The following TBC1D5 variants were observed in gnomAD, a reference collection of about 807,000 sequenced individuals.
TBC1D5 encodes the protein TBC1 domain family, member 5.
TBC1D5 carries 75 observed loss-of-function variants against 100.3 expected under a neutral mutation model. The observed-to-expected ratio is 0.75, with a 90% confidence interval of 0.62 to 0.91. The LOEUF is 0.91. TBC1D5 is among the 40% of genes least tolerant of loss of function. The pLI is 0.00. For synonymous variants in TBC1D5, 323 were observed against 325.6 expected, an observed-to-expected ratio of 0.99 and a Z score of 0.09; for missense variants, 910 against 942.4, an observed-to-expected ratio of 0.97 and a Z score of 0.45.
chr3:17,659,267 C>G (rs1191829314), intron 1 of TBC1D5, among the ~76,000 whole-genome samples: 1 of 151,928 alleles, frequency 6.6e-6, no homozygotes, highest in African/African-American at 2.4e-5. Flanking sequence ...GAGCTAAATT[C>G]AAAAAGAAAA....
chr3:17,175,988 G>T (rs570708492), intron 19 of TBC1D5, among the ~76,000 whole-genome samples: 1 of 152,342 alleles, frequency 6.6e-6, no homozygotes, highest in Non-Finnish European at 1.5e-5. Flanking sequence ...AGACGATGAG[G>T]TAGATGGGTT....
chr3:17,587,216 A>C, intron 2 of TBC1D5, among the ~76,000 whole-genome samples: 1 of 152,042 alleles, frequency 6.6e-6, no homozygotes, highest in East Asian at 1.9e-4. Flanking sequence ...TAACAACTAA[A>C]TTTCTCAACT....
chr3:17,473,788 G>C (rs1360514569), intron 3 of TBC1D5, among the ~76,000 whole-genome samples: 1 of 152,116 alleles, frequency 6.6e-6, no homozygotes, highest in African/African-American at 2.4e-5. Flanking sequence ...TAAAATTTTA[G>C]TAATAACATG....
At chr3:17,474,470 A>G (rs1318826825) in intron 3 of TBC1D5, among the ~76,000 whole-genome samples, 1 of 152,146 alleles carries the variant, frequency 6.6e-6, no homozygotes, top group African/African-American at 2.4e-5. Flanking sequence ...ACTAGGTATG[A>G]ACATTAGCAA....
chr3:17,296,053 G>A (rs1559573716), intron 14 of TBC1D5, among the ~76,000 whole-genome samples: 3 of 152,208 alleles, frequency 2.0e-5, no homozygotes, highest in Middle Eastern at 6.8e-3. Context: ...TACATTCTTA[G>A]CAAGTTCATG....
intron 15 of TBC1D5, among the ~76,000 whole-genome samples, chr3:17,284,461 T>G (rs1407205927): frequency 6.6e-6 from 1 of 152,184 alleles, no homozygotes; most frequent in Non-Finnish European, 1.5e-5. Context: ...TCATAATCTG[T>G]ATTTTCTTGC....
intron 3 of TBC1D5, among the ~76,000 whole-genome samples, chr3:17,438,757 T>A (rs2094583537): frequency 6.6e-6 from 1 of 152,158 alleles, no homozygotes; most frequent in Non-Finnish European, 1.5e-5. Context: ...AGATAACAAT[T>A]TAGTTTAACT....
chr3:17,231,007 C>G (rs1445855947), intron 17 of TBC1D5, among the ~76,000 whole-genome samples: 1 of 152,078 alleles, frequency 6.6e-6, no homozygotes, highest in Non-Finnish European at 1.5e-5. Context: ...AGAAAAATGT[C>G]TGTACATGTT....
chr3:17,211,705 T>C (rs1249690835), intron 18 of TBC1D5, among the ~76,000 whole-genome samples: 1 of 152,230 alleles, frequency 6.6e-6, no homozygotes, highest in Non-Finnish European at 1.5e-5. Flanking sequence ...TCATCTGTTT[T>C]CCAAGTAACA....
intron 4 of TBC1D5, among the ~76,000 whole-genome samples, chr3:17,417,882 A>ATTTTTT (rs35742571): frequency 6.6e-6 from 1 of 151,156 alleles, no homozygotes; most frequent in Non-Finnish European, 1.5e-5. Context: ...ATTTAGAAGT[A>ATTTTTT]TTTTTTTTTA....
intron 2 of TBC1D5, among the ~76,000 whole-genome samples, chr3:17,543,634 T>G (rs894890423): frequency 6.6e-6 from 1 of 151,886 alleles, no homozygotes; most frequent in Non-Finnish European, 1.5e-5. Context: ...CAAGACCCCA[T>G]CTCAAAAAAC....
At chr3:17,263,987 C>G (rs753880560) in intron 15 of TBC1D5, among the ~76,000 whole-genome samples, 1 of 152,008 alleles carries the variant, frequency 6.6e-6, no homozygotes, top group Non-Finnish European at 1.5e-5. Flanking sequence ...TTAGGTAAAA[C>G]AAACATTCTG....
intron 13 of TBC1D5, among the ~76,000 whole-genome samples, chr3:17,328,925 A>C (rs2086535161): frequency 6.6e-6 from 1 of 152,214 alleles, no homozygotes; most frequent in African/African-American, 2.4e-5. Flanking sequence ...AACATTATTA[A>C]GCTAAGGGAT....
chr3:17,719,869 T>C (rs2075548665), intron 1 of TBC1D5, among the ~76,000 whole-genome samples: 1 of 152,312 alleles, frequency 6.6e-6, no homozygotes, highest in African/African-American at 2.4e-5. Context: ...TGTTTTATAG[T>C]GTCTTTTCTA....
exon 17 of TBC1D5, chr3:17,238,354 C>T: frequency 6.2e-7 from 1 of 1,613,958 alleles, no homozygotes; most frequent in East Asian, 2.2e-5. Flanking sequence ...AATCAACTTT[C>T]TTCCAAAATT....
rs189514883 is a variant in TBC1D5 at position 17,172,802 on chromosome 3, A to G, written c.1853-4974T>C. ...ACTTGATTTTTTTCAATGCTAGAATACAAGTGTTTTCAATTAAATGTTTTA... is the reference window on the plus strand; with the variant it reads ...ACTTGATTTTTTTCAATGCTAGAATGCAAGTGTTTTCAATTAAATGTTTTA... On this transcript the variant is annotated intron_variant, in intron 19 of 21. Coordinates refer to ENST00000253692, the Ensembl canonical transcript of TBC1D5. 1.3e-3 allele frequency among the ~76,000 whole-genome samples: 191 copies of G among 152,342 alleles called. 4 individuals are homozygous for G. The highest frequency in any genetic ancestry group is 0.012 in the Admixed American group (190 of 15,300).
chr3:17,503,449 A>G (rs774028687), intron 3 of TBC1D5, among the ~76,000 whole-genome samples: 2 of 149,520 alleles, frequency 1.3e-5, no homozygotes, highest in Non-Finnish European at 2.9e-5. Context: ...AAATCTGGCT[A>G]CTAGTCATAA....
intron 1 of TBC1D5, among the ~76,000 whole-genome samples, chr3:17,644,978 G>A (rs2064880582): frequency 2.0e-5 from 3 of 152,080 alleles, no homozygotes; most frequent in African/African-American, 7.2e-5. Flanking sequence ...GCATGGCCAT[G>A]AGCAAGATTT....
chr3:17,663,802 G>A (rs2066923138), intron 1 of TBC1D5, among the ~76,000 whole-genome samples: 1 of 152,052 alleles, frequency 6.6e-6, no homozygotes, highest in Non-Finnish European at 1.5e-5. Context: ...AGTCATCTAT[G>A]GGAACTGGTT....
Sources: gnomAD v4.1 joint callset for allele counts (sites outside exome capture counted in the v4.1 genomes callset) on GRCh38, gnomAD v4.1.1 for gene constraint, MANE v1.5 for transcripts, NCBI Gene and HGNC (gene_info 2026-07-23, HGNC 2026-07-21) for gene names.